Variants in CHST15 observed in about 807,000 individuals in gnomAD.
CHST15 encodes the protein B cell RAG associated protein (GALNAC4S-6ST).
A neutral mutation model predicts 53.6 loss-of-function variants in CHST15; 30 were observed. The observed-to-expected ratio is 0.56, with a 90% CI of 0.42 to 0.76. CHST15 has a LOEUF of 0.76. Ranked by LOEUF, CHST15 falls within the 30% of genes least tolerant of loss-of-function variation. The pLI, the probability that CHST15 is intolerant of heterozygous loss-of-function variation, is 0.00. For synonymous variants in CHST15, 296 were observed against 289.8 expected, an observed-to-expected ratio of 1.02 and a Z score of -0.22; for missense variants, 627 against 740.5, an observed-to-expected ratio of 0.85 and a Z score of 1.78.
At chr10:124,016,627 CCT>C (rs977484889) in intron 6 of CHST15, among the ~76,000 whole-genome samples, 1 of 152,158 alleles carries the variant, frequency 6.6e-6, no homozygotes, top group Non-Finnish European at 1.5e-5. Flanking sequence ...GCAAAAACTC[CCT>C]GAGTGTCAAA....
At position 124,038,495 on chromosome 10, in the gene CHST15, A is replaced by AAC; in HGVS notation, c.1190+18_1190+19dup. ...AAGTTCCTCTTCTCACCCCAAATAC[A>AAC]ACACACAGAAACTGCTCACCTCTCC... On this transcript the variant is annotated intron_variant, in intron 5 of 7. Transcript: ENST00000435907. 6.2e-7 allele frequency: 1 copy of AAC among 1,610,762 alleles called. No individual in the cohort carries two copies. The highest frequency in any genetic ancestry group is 8.5e-7 in the Non-Finnish European group (1 of 1,177,072).
rs139902983 is a variant in CHST15 at position 124,009,873 on chromosome 10, C to G, written c.*276G>C. 4.7e-5 allele frequency: 58 copies of G among 1,245,116 alleles called. No individual in the cohort carries two copies. The highest frequency in any genetic ancestry group is 4.5e-5 in the Non-Finnish European group (44 of 987,476). The allele number at this position is 1,245,116 out of a possible 1,614,324, so 77.1% of individuals were successfully genotyped here. On this transcript the variant is annotated 3_prime_UTR_variant, in exon 8 of 8. Transcript: ENST00000435907. ...ACACCCAGTGCAGGCCAGCTGGCTG[C>G]ATCCCCAAGCTCCAGGACGCTCAGA... is the stretch of plus-strand genomic sequence containing the variant.
In CHST15 at chr10:124,022,811, CTTTTTTT is replaced by C. The variant is rs924775599; in HGVS notation, c.1191-1406_1191-1400del. Among the ~76,000 whole-genome samples, 9 of 100,432 alleles carry C rather than the reference CTTTTTTT, an allele frequency of 9.0e-5. No homozygotes were observed. In the East Asian group the frequency reaches 1.2e-3, roughly 13 times the overall value. 65.9% of individuals were successfully genotyped at this position (100,432 alleles called of 152,430 possible). On this transcript the variant is annotated intron_variant, in intron 5 of 7. Coordinates refer to ENST00000435907, the MANE Select transcript of CHST15 (RefSeq NM_001270764.2). ...CCCCTCGCCCTGCTCCTTGGCATTT[CTTTTTTT>C]TTTTTTTTTTTTTTTTGAGACAGAG...
intron 1 of CHST15, among the ~76,000 whole-genome samples, chr10:124,085,377 G>A (rs544885430): frequency 1.3e-5 from 2 of 152,170 alleles, no homozygotes; most frequent in East Asian, 3.9e-4. Context: ...AAAAACTGTG[G>A]TCACTATGTT....
intron 7 of CHST15, chr10:124,011,748 G>A: frequency 1.0e-6 from 1 of 985,420 alleles, no homozygotes; most frequent in Non-Finnish European, 1.2e-6. Context: ...AGGCGCTCAT[G>A]CCCCAGGGGC....
chr10:124,021,243 G>GAC lies in CHST15; in HGVS notation c.1347+12_1347+13insGT. The GAC allele has an allele frequency of 6.5e-7, 1 of 1,541,848 alleles. No homozygotes were observed. The highest frequency in any genetic ancestry group is 8.8e-7 in the Non-Finnish European group (1 of 1,133,376). ...GGGCCAGCTCGGGGGGTACGGGGGGGGGGGGTACACACAGGCATGGCGTTG... is the reference window on the plus strand; with the variant it reads ...GGGCCAGCTCGGGGGGTACGGGGGGGACGGGGGTACACACAGGCATGGCGTTG... On this transcript the variant is annotated intron_variant, in intron 6 of 7. Transcript: ENST00000435907.
intron 1 of CHST15, among the ~76,000 whole-genome samples, chr10:124,091,097 G>A (rs980059326): frequency 2.0e-5 from 3 of 152,262 alleles, no homozygotes; most frequent in African/African-American, 7.2e-5. Context: ...CATCTAGGAG[G>A]TGGCAAGAAA....
intron 4 of CHST15, among the ~76,000 whole-genome samples, chr10:124,039,497 T>C (rs1028441408): frequency 2.0e-5 from 3 of 152,288 alleles, no homozygotes; most frequent in African/African-American, 7.2e-5. Context: ...AGAGAGGGGC[T>C]TTGCCACAGG....
rs1448720561 is a variant in CHST15 at position 124,074,555 on chromosome 10, G to A, written c.-513+18914C>T. Among the ~76,000 whole-genome samples, 1 of 152,036 alleles carries A rather than the reference G, an allele frequency of 6.6e-6. No individual in the cohort carries two copies. The highest frequency in any genetic ancestry group is 1.5e-5 in the Non-Finnish European group (1 of 68,024). ...CTGGGGACTTACATAACATCCCCCTGCACACCCAACACCTTCGCCACGTCT... is the reference window on the plus strand; with the variant it reads ...CTGGGGACTTACATAACATCCCCCTACACACCCAACACCTTCGCCACGTCT... On this transcript the variant is annotated intron_variant, in intron 1 of 7. Transcript: ENST00000435907. The surrounding 1 kb of genome is among the most constrained non-coding windows in gnomAD (Gnocchi z 4.4).
chr10:124,009,307 A>G lies in CHST15; in HGVS notation c.*842T>C. On this transcript the variant is annotated 3_prime_UTR_variant, in exon 8 of 8. Transcript: ENST00000435907. ...CAATTATAAACTGAAGTTCTTGAGAAAACGTATGAAGAGGCAGCAGAGAGA... is the reference window on the plus strand; with the variant it reads ...CAATTATAAACTGAAGTTCTTGAGAGAACGTATGAAGAGGCAGCAGAGAGA... 1 of 1,094,386 alleles carries G rather than the reference A, an allele frequency of 9.1e-7. No homozygotes were observed. Among genetic ancestry groups the G allele is most frequent in the South Asian group, 2.3e-5 (1 of 43,534 alleles). The allele number at this position is 1,094,386 out of a possible 1,614,324, so 67.8% of individuals were successfully genotyped here. A position where few individuals can be genotyped will look rare whatever the true frequency, so the allele number is the denominator to read the frequency against.
intron 5 of CHST15, among the ~76,000 whole-genome samples, chr10:124,030,643 C>T (rs1947190225): frequency 6.6e-6 from 1 of 152,238 alleles, no homozygotes; most frequent in Admixed American, 6.5e-5. Flanking sequence ...GTGCTAGGAA[C>T]AGCCTGCGTT....
chr10:124,021,241 G>GGT lies in CHST15; in HGVS notation c.1347+14_1347+15insAC, dbSNP rs775246301. 8 of 1,571,110 alleles carry GGT rather than the reference G, an allele frequency of 5.1e-6. No individual in the cohort carries two copies. The highest frequency in any genetic ancestry group is 6.1e-6 in the Non-Finnish European group (7 of 1,152,776). Reference sequence around the variant, plus strand: ...AGGGGCCAGCTCGGGGGGTACGGGGGGGGGGGGTACACACAGGCATGGCGT... The same window carrying GGT: ...AGGGGCCAGCTCGGGGGGTACGGGGGGTGGGGGGGTACACACAGGCATGGCGT... On this transcript the variant is annotated intron_variant, in intron 6 of 7. Coordinates refer to ENST00000435907, the MANE Select transcript of CHST15 (RefSeq NM_001270764.2).
intron 1 of CHST15, among the ~76,000 whole-genome samples, chr10:124,061,568 T>A (rs933044888): frequency 1.3e-5 from 2 of 152,234 alleles, no homozygotes; most frequent in African/African-American, 4.8e-5. Flanking sequence ...CATTGTTGAT[T>A]GTGGGTAGCA....
At chr10:124,049,104 T>C (rs897817886) in intron 1 of CHST15, among the ~76,000 whole-genome samples, 1 of 152,190 alleles carries the variant, frequency 6.6e-6, no homozygotes, top group African/African-American at 2.4e-5. Context: ...TTTTCTCAGC[T>C]CCTAGCATTC....
At chr10:124,021,867 T>C (rs75311119) in intron 5 of CHST15, among the ~76,000 whole-genome samples, 200 of 152,312 alleles carry the variant, frequency 1.3e-3, no homozygotes, top group African/African-American at 4.6e-3. Context: ...CCGCATGAAA[T>C]TCCCACTACT....
intron 5 of CHST15, among the ~76,000 whole-genome samples, chr10:124,033,338 C>T (rs925228310): frequency 6.6e-6 from 1 of 152,230 alleles, no homozygotes; most frequent in Non-Finnish European, 1.5e-5. Flanking sequence ...AACACACTTC[C>T]TCTGCCACTA....
Position 124,035,167 on chromosome 10 carries a change from CCCCCTAACGGGGACCCTGGTTCCA to C in CHST15, c.1190+3324_1190+3347del, listed in dbSNP as rs1233254323. Among the ~76,000 whole-genome samples, 1,131 of 143,386 alleles carry C rather than the reference CCCCCTAACGGGGACCCTGGTTCCA, an allele frequency of 7.9e-3. 17 individuals carry two copies. The highest frequency in any genetic ancestry group is 0.028 in the African/African-American group (1,027 of 36,290). The allele number at this position is 143,386 out of a possible 152,430, so 94.1% of individuals were successfully genotyped here. On this transcript the variant is annotated intron_variant, in intron 5 of 7. Transcript: ENST00000435907. Reference sequence around the variant, plus strand: ...CCCCCTAACGGGGACCCCGGCTCCGCCCCCTAACGGGGACCCTGGTTCCACCCCTAACGGGGACCCTGGCTCTAC... The same window carrying C: ...CCCCCTAACGGGGACCCCGGCTCCGCCCCCTAACGGGGACCCTGGCTCTAC...
chr10:124,075,632 C>T (rs1949052935), intron 1 of CHST15, among the ~76,000 whole-genome samples: 1 of 152,138 alleles, frequency 6.6e-6, no homozygotes, highest in Non-Finnish European at 1.5e-5. Context: ...ACACTCCCTT[C>T]CAATAAAAAA....
In CHST15 at chr10:124,024,142, G is replaced by A. The variant is rs567432684; in HGVS notation, c.1191-2730C>T. ...TTACGGGCGTGAGCCACCACGCCCA[G>A]CCGCCATCCATACTTCCAAACGCTC... On this transcript the variant is annotated intron_variant, in intron 5 of 7. Transcript: ENST00000435907. This position sits in a 1 kb window ranked among gnomAD's most constrained non-coding sequence, Gnocchi z 4.0. Among the ~76,000 whole-genome samples the A allele has an allele frequency of 6.6e-6, 1 of 152,328 alleles. No homozygotes were observed. The highest frequency in any genetic ancestry group is 2.1e-4 in the South Asian group (1 of 4,832).
Sources: gnomAD v4.1 joint callset for allele counts (sites outside exome capture counted in the v4.1 genomes callset) on GRCh38, gnomAD v4.1.1 for gene constraint, Gnocchi (gnomAD v3.1) non-coding constraint, MANE v1.5 for transcripts, NCBI Gene and HGNC (gene_info 2026-07-23, HGNC 2026-07-21) for gene names.